Variants in KDM4C observed in about 807,000 individuals in gnomAD.
KDM4C encodes the protein lysine demethylase 4C, also known as lysine-specific demethylase 4C.
In KDM4C, 81 loss-of-function variants were observed where a neutral mutation model predicts 129.3. The ratio of observed to expected loss-of-function variants is 0.63; its 90% CI spans 0.52 to 0.75. KDM4C has a LOEUF of 0.75. KDM4C is among the 30% of genes least tolerant of loss of function. The pLI, the probability that KDM4C is intolerant of heterozygous loss-of-function variation, is 0.00. For synonymous variants in KDM4C, 573 were observed against 456.1 expected (o/e 1.26, Z -3.26); for missense variants, 1,457 against 1,304.0 (o/e 1.12, Z -1.81).
intron 15 of KDM4C, among the ~76,000 whole-genome samples, chr9:7,042,528 T>C (rs927256292): frequency 3.0e-4 from 45 of 152,208 alleles, no homozygotes; most frequent in African/African-American, 9.1e-4. Flanking sequence ...CAATTTTTTA[T>C]GATATGGGTT....
At chr9:6,762,858 C>T (rs1053121705) in intron 1 of KDM4C, among the ~76,000 whole-genome samples, 1 of 151,862 alleles carries the variant, frequency 6.6e-6, no homozygotes, top group Non-Finnish European at 1.5e-5. Flanking sequence ...GAGGTTTCAC[C>T]ATGTTGGCCA....
intron 6 of KDM4C, among the ~76,000 whole-genome samples, chr9:6,881,871 T>G (rs556131800): frequency 6.6e-6 from 1 of 152,312 alleles, no homozygotes; most frequent in Non-Finnish European, 1.5e-5. Flanking sequence ...ATTAAAATGA[T>G]AAAATAATGC....
intron 17 of KDM4C, among the ~76,000 whole-genome samples, chr9:7,058,636 TA>T (rs199627918): frequency 1.3e-5 from 2 of 150,536 alleles, no homozygotes; most frequent in Non-Finnish European, 3.0e-5. Flanking sequence ...CATCTGGCAT[TA>T]AAAAAAAAGC....
intron 19 of KDM4C, 53 bp from the exon 20 acceptor site, chr9:7,165,185 A>G (rs1844246768): frequency 1.3e-6 from 2 of 1,598,436 alleles, no homozygotes; most frequent in African/African-American, 1.3e-5. Flanking sequence ...TAAGTTCTAA[A>G]TGCAGTCACT....
intron 2 of KDM4C, among the ~76,000 whole-genome samples, chr9:6,802,464 C>G (rs577270016): frequency 1.3e-4 from 20 of 152,040 alleles, no homozygotes; most frequent in Non-Finnish European, 2.2e-4. Flanking sequence ...AATATCTGTA[C>G]AAAAATATTA....
chr9:6,771,387 T>G (rs1276116780), intron 1 of KDM4C, among the ~76,000 whole-genome samples: 2 of 151,946 alleles, frequency 1.3e-5, no homozygotes, highest in Non-Finnish European at 2.9e-5. Flanking sequence ...TCTCAGCCCA[T>G]TGTAATCTCC....
At chr9:6,977,477 G>C (rs1833122355) in intron 8 of KDM4C, among the ~76,000 whole-genome samples, 2 of 152,056 alleles carry the variant, frequency 1.3e-5, no homozygotes, top group African/African-American at 4.8e-5. Flanking sequence ...CCACATACAT[G>C]TTGCCATGTA....
chr9:6,741,328 G>A (rs1817685430), intron 1 of KDM4C, among the ~76,000 whole-genome samples: 1 of 152,072 alleles, frequency 6.6e-6, no homozygotes, highest in African/African-American at 2.4e-5. Context: ...TAGGGAGGCG[G>A]AGGTTGCAGT....
At chr9:7,089,030 G>A (rs914312017) in intron 17 of KDM4C, among the ~76,000 whole-genome samples, 3 of 151,536 alleles carry the variant, frequency 2.0e-5, no homozygotes, top group African/African-American at 7.3e-5. Flanking sequence ...AAATTTTCAA[G>A]AATTGATGAG....
At chr9:7,133,327 G>T (rs956184062) in intron 19 of KDM4C, among the ~76,000 whole-genome samples, 1 of 152,262 alleles carries the variant, frequency 6.6e-6, no homozygotes, top group African/African-American at 2.4e-5. Flanking sequence ...CAGATTAGAT[G>T]AGAACCTGTA....
At chr9:7,063,195 T>C (rs1831956553) in intron 17 of KDM4C, among the ~76,000 whole-genome samples, 12 of 152,200 alleles carry the variant, frequency 7.9e-5, no homozygotes. Context: ...GGGACCAAAG[T>C]AGACAAAAAA....
At chr9:6,790,232 A>G (rs1826275582) in intron 1 of KDM4C, among the ~76,000 whole-genome samples, 2 of 151,274 alleles carry the variant, frequency 1.3e-5, no homozygotes, top group African/African-American at 2.4e-5. Context: ...TAATGACTAC[A>G]TCACTATCTG....
chr9:6,963,367 C>A (rs1345144713), intron 8 of KDM4C, among the ~76,000 whole-genome samples: 1 of 152,182 alleles, frequency 6.6e-6, no homozygotes, highest in African/African-American at 2.4e-5. Context: ...TTGGGAGTTG[C>A]AGTGATGCAG....
intron 18 of KDM4C, among the ~76,000 whole-genome samples, chr9:7,106,642 A>T (rs550632112): frequency 1.2e-4 from 18 of 152,284 alleles, no homozygotes; most frequent in African/African-American, 4.1e-4. Flanking sequence ...CTATTCCATT[A>T]GTGTCATAAA....
intron 1 of KDM4C, among the ~76,000 whole-genome samples, chr9:6,773,881 C>G (rs1444472319): frequency 6.6e-6 from 1 of 151,726 alleles, no homozygotes; most frequent in African/African-American, 2.4e-5. Flanking sequence ...GGCTTGGATA[C>G]AAATGCATAA....
At chr9:6,831,754 G>C (rs904302162) in intron 4 of KDM4C, among the ~76,000 whole-genome samples, 1 of 152,190 alleles carries the variant, frequency 6.6e-6, no homozygotes, top group Non-Finnish European at 1.5e-5. Flanking sequence ...CAAAGGGCTT[G>C]TGCCTGCTGA....
At chr9:7,160,875 A>G (rs2130342524) in intron 19 of KDM4C, among the ~76,000 whole-genome samples, 1 of 152,286 alleles carries the variant, frequency 6.6e-6, no homozygotes, top group South Asian at 2.1e-4. Context: ...GCTGTCAGAC[A>G]GGGAAGTTTA....
At chr9:6,825,375 A>G (rs996172901) in intron 4 of KDM4C, among the ~76,000 whole-genome samples, 14 of 152,314 alleles carry the variant, frequency 9.2e-5, no homozygotes, top group Admixed American at 9.2e-4. Context: ...CACCTTGACA[A>G]CTGCTTCGGT....
At chr9:6,845,876 C>T (rs1172415721) in intron 4 of KDM4C, among the ~76,000 whole-genome samples, 3 of 152,200 alleles carry the variant, frequency 2.0e-5, no homozygotes, top group African/African-American at 4.8e-5. Flanking sequence ...TGTCTGTGAA[C>T]TTGGGCTGGT....
Sources: gnomAD v4.1 joint callset for allele counts (sites outside exome capture counted in the v4.1 genomes callset) on GRCh38, gnomAD v4.1.1 for gene constraint, MANE v1.5 for transcripts, NCBI Gene and HGNC (gene_info 2026-07-23, HGNC 2026-07-21) for gene names.